GABBR2: variants seen among roughly 807,000 people sequenced by gnomAD.
GABBR2 encodes G-protein coupled receptor 51.
In GABBR2, 23 loss-of-function variants were observed where a neutral mutation model predicts 105.6. That is an observed-to-expected ratio of 0.22 (90% CI 0.16 to 0.31). The LOEUF is 0.31. Among genes scored for constraint, GABBR2 ranks in the 10% least tolerant of loss-of-function variants. The pLI is 1.00. For synonymous variants in GABBR2, 478 were observed against 499.7 expected, an observed-to-expected ratio of 0.96 and a Z score of 0.58; for missense variants, 734 against 1,245.5, an observed-to-expected ratio of 0.59 and a Z score of 6.18.
At chr9:98,540,064 C>T (rs1343790327) in intron 3 of GABBR2, among the ~76,000 whole-genome samples, 3 of 152,276 alleles carry the variant, frequency 2.0e-5, no homozygotes, top group East Asian at 1.9e-4. Flanking sequence ...GAACATTTCT[C>T]GCTTCTCTAT....
At chr9:98,436,375 A>ACACACAC (rs1325895217) in intron 7 of GABBR2, among the ~76,000 whole-genome samples, 11 of 45,784 alleles carry the variant, frequency 2.4e-4, no homozygotes, top group South Asian at 8.7e-4. Context: ...ATATATATAT[A>ACACACAC]TATATATATA....
At chr9:98,673,488 A>C (rs7036325) in intron 1 of GABBR2, among the ~76,000 whole-genome samples, 32,969 of 151,812 alleles carry the variant, frequency 0.22, 4,961 homozygotes, top group African/African-American at 0.43. Context: ...CTTATCTCTG[A>C]GAGGAGTAGA....
At chr9:98,524,737 T>C (rs2131718195) in intron 3 of GABBR2, among the ~76,000 whole-genome samples, 1 of 152,206 alleles carries the variant, frequency 6.6e-6, no homozygotes, top group Non-Finnish European at 1.5e-5. Context: ...TGATTTTCAC[T>C]ATCTAGTTCA....
chr9:98,361,263 A>G (rs774335), intron 13 of GABBR2, among the ~76,000 whole-genome samples: 62,688 of 151,984 alleles, frequency 0.41, 15,257 homozygotes, highest in African/African-American at 0.68. Context: ...CAGCCTCTCT[A>G]GGTTTCTGTT....
chr9:98,606,178 G>C (rs939645380), intron 1 of GABBR2, among the ~76,000 whole-genome samples: 3 of 152,212 alleles, frequency 2.0e-5, no homozygotes, highest in Non-Finnish European at 4.4e-5. Flanking sequence ...TATCATTGAG[G>C]GACATTTGGG....
rs79487339 is a variant in GABBR2 at position 98,295,982 on chromosome 9, G to A, written c.2543-2080C>T. Among the ~76,000 whole-genome samples, 1,023 of 152,330 alleles carry A rather than the reference G, an allele frequency of 6.7e-3. 9 individuals carry two copies. Among genetic ancestry groups the A allele is most frequent in the African/African-American group, 0.023 (961 of 41,556 alleles). On this transcript the variant is annotated intron_variant, in intron 17 of 18. Coordinates refer to ENST00000259455, the MANE Select transcript of GABBR2 (RefSeq NM_005458.8). ...GTATTCACAATCCACTGTTGATGGA[G>A]GCTTTACAGAAAGAACATAACTACC...
chr9:98,480,742 T>A lies in GABBR2; in HGVS notation c.798+190A>T, dbSNP rs111356683. 2.4e-3 allele frequency among the ~76,000 whole-genome samples: 365 copies of A among 152,192 alleles called. 2 individuals are homozygous for A. Among genetic ancestry groups the A allele is most frequent in the African/African-American group, 7.9e-3 (327 of 41,510 alleles). The stretch of plus-strand genomic sequence containing the variant: ...GAGGTCCCTGGTTCCTCGATGATGG[T>A]ATTGTTCTGAGCCCTGGGGTTTTAG... On this transcript the variant is annotated intron_variant, in intron 5 of 18. Transcript: ENST00000259455.
intron 5 of GABBR2, among the ~76,000 whole-genome samples, chr9:98,474,594 G>A (rs1261840858): frequency 1.3e-5 from 2 of 152,120 alleles, no homozygotes; most frequent in African/African-American, 4.8e-5. Context: ...TCAATCCTGG[G>A]GAGTCACCCA....
chr9:98,418,116 C>T (rs375399499), intron 7 of GABBR2, among the ~76,000 whole-genome samples: 4 of 152,046 alleles, frequency 2.6e-5, no homozygotes, highest in Admixed American at 2.0e-4. Context: ...GCAGGTGCAA[C>T]GAGCTCTTTC....
In GABBR2 at chr9:98,578,025, G is replaced by A. The variant is rs754632417; in HGVS notation, c.369C>T (p.Tyr123=). The A allele has an allele frequency of 3.6e-5, 58 of 1,613,734 alleles. No homozygotes were observed. Among genetic ancestry groups the A allele is most frequent in the Middle Eastern group, 1.7e-4 (1 of 6,058 alleles). The part of the protein sequence containing the change: ...GLKAFYDAIK[Y]GPNHLMVFGG... Reference sequence around the variant, plus strand: ...CAAACACCATCAAGTGGTTAGGCCCGTATTTTATTGCATCGTAGAAGGCTT... The same window carrying A: ...CAAACACCATCAAGTGGTTAGGCCCATATTTTATTGCATCGTAGAAGGCTT... Residue 123 remains tyrosine, a synonymous_variant, in exon 2 of 19, where the codon TAC becomes TAT. Transcript: ENST00000259455.
In GABBR2 at chr9:98,479,602, A is replaced by G. The variant is rs1001671901; in HGVS notation, c.798+1330T>C. Among the ~76,000 whole-genome samples, 7 of 152,358 alleles carry G rather than the reference A, an allele frequency of 4.6e-5. No homozygotes were observed. The South Asian group carries it at 1.0e-3, about 23-fold the overall frequency. On this transcript the variant is annotated intron_variant, in intron 5 of 18. Transcript: ENST00000259455. ...CTTCAGGTTCAAATAACCACACGTG[A>G]CCACGGCTTGCAGCCACTACCCTAT... is the stretch of plus-strand genomic sequence containing the variant.
intron 1 of GABBR2, among the ~76,000 whole-genome samples, chr9:98,703,945 A>ATT (rs1422326018): frequency 7.9e-5 from 12 of 151,894 alleles, no homozygotes; most frequent in East Asian, 3.9e-4. Flanking sequence ...TAAAAGAGTG[A>ATT]TTTATATATA....
At chr9:98,503,103 G>A (rs1215318129) in intron 3 of GABBR2, among the ~76,000 whole-genome samples, 1 of 152,210 alleles carries the variant, frequency 6.6e-6, no homozygotes, top group African/African-American at 2.4e-5. Context: ...AGACAAGGAC[G>A]CTCAAGTTCA....
intron 6 of GABBR2, among the ~76,000 whole-genome samples, chr9:98,470,173 G>C (rs1355267360): frequency 6.6e-6 from 1 of 152,194 alleles, no homozygotes; most frequent in Non-Finnish European, 1.5e-5. Flanking sequence ...GGCTGTACTA[G>C]GTGAATAAAG....
At chr9:98,667,809 T>G (rs1830355585) in intron 1 of GABBR2, among the ~76,000 whole-genome samples, 2 of 152,220 alleles carry the variant, frequency 1.3e-5, no homozygotes, top group Admixed American at 6.5e-5. Flanking sequence ...TGGTTATTGT[T>G]TATAGATATA....
chr9:98,448,976 ACTT>A (rs760090885), intron 7 of GABBR2, among the ~76,000 whole-genome samples: 19 of 152,132 alleles, frequency 1.2e-4, no homozygotes, highest in Non-Finnish European at 2.5e-4. Context: ...TCACCTGAAG[ACTT>A]AGCCAGTGTT....
At chr9:98,507,939 C>T (rs1827545761) in intron 3 of GABBR2, among the ~76,000 whole-genome samples, 1 of 152,128 alleles carries the variant, frequency 6.6e-6, no homozygotes, top group African/African-American at 2.4e-5. Context: ...TCCCTTTGGC[C>T]CTCATTTTTC....
intron 13 of GABBR2, among the ~76,000 whole-genome samples, chr9:98,361,346 G>A (rs376987527): frequency 9.3e-5 from 14 of 150,904 alleles, no homozygotes; most frequent in South Asian, 8.4e-4. Flanking sequence ...ATGAGTTAAC[G>A]CATGATACCA....
chr9:98,549,534 G>A (rs1828449962), intron 2 of GABBR2, among the ~76,000 whole-genome samples: 1 of 152,210 alleles, frequency 6.6e-6, no homozygotes, highest in Non-Finnish European at 1.5e-5. Flanking sequence ...AAGGTGGTGT[G>A]AAGGTTTTTA....
Sources: gnomAD v4.1 joint callset for allele counts (sites outside exome capture counted in the v4.1 genomes callset) on GRCh38, gnomAD v4.1.1 for gene constraint, MANE v1.5 for transcripts, NCBI Gene and HGNC (gene_info 2026-07-23, HGNC 2026-07-21) for gene names.